Variants in COL25A1 observed in about 807,000 individuals in gnomAD.
The protein encoded by COL25A1 is collagen type XXV alpha 1 chain, also known as collagen alpha-1(XXV) chain.
COL25A1 carries 103 observed loss-of-function variants against 128.4 expected under a neutral mutation model. That is an observed-to-expected ratio of 0.80 (90% CI 0.68 to 0.94). The LOEUF (loss-of-function observed/expected upper bound fraction) is 0.94. Ranked by LOEUF, COL25A1 falls within the 40% of genes least tolerant of loss-of-function variation. The pLI is 0.00. For missense variants in COL25A1, 745 were observed against 840.0 expected (o/e 0.89, Z 1.40); for synonymous variants, 279 against 277.2 (o/e 1.01, Z -0.06).
intron 4 of COL25A1, among the ~76,000 whole-genome samples, chr4:109,048,490 T>A (rs1325278637): frequency 6.6e-6 from 1 of 152,136 alleles, no homozygotes; most frequent in Admixed American, 6.5e-5. Flanking sequence ...TAGAGAAGTA[T>A]GAATTATGAG....
At chr4:108,837,872 T>C (rs1457550167) in intron 31 of COL25A1, among the ~76,000 whole-genome samples, 5 of 152,214 alleles carry the variant, frequency 3.3e-5, no homozygotes, top group African/African-American at 9.6e-5. Context: ...ATGTATGTAA[T>C]TGAAGAATGA....
intron 3 of COL25A1, among the ~76,000 whole-genome samples, chr4:109,070,211 T>C (rs3096493): frequency 0.24 from 36,355 of 151,084 alleles, 5,767 homozygotes; most frequent in East Asian, 0.43. Flanking sequence ...AGAGTCGAGA[T>C]CATTCCAGCC....
At chr4:109,068,687 C>T (rs1431502148) in intron 3 of COL25A1, among the ~76,000 whole-genome samples, 1 of 152,134 alleles carries the variant, frequency 6.6e-6, no homozygotes, top group Non-Finnish European at 1.5e-5. Flanking sequence ...ATGTGATTTT[C>T]TAAATGTGGC....
intron 33 of COL25A1, 45 bp downstream of exon 33, chr4:108,827,090 C>T: frequency 6.4e-7 from 1 of 1,569,284 alleles, no homozygotes; most frequent in Non-Finnish European, 8.8e-7. Flanking sequence ...GACTGGTCAT[C>T]TATGCATGCG....
intron 5 of COL25A1, among the ~76,000 whole-genome samples, chr4:109,020,781 CA>C (rs968047765): frequency 1.3e-5 from 2 of 152,082 alleles, no homozygotes; most frequent in Non-Finnish European, 2.9e-5. Flanking sequence ...ACAGAACACA[CA>C]AAAAATAAAG....
chr4:109,151,735 A>G (rs945081756), intron 3 of COL25A1, among the ~76,000 whole-genome samples: 1 of 152,138 alleles, frequency 6.6e-6, no homozygotes, highest in Non-Finnish European at 1.5e-5. Flanking sequence ...ACAGTCTTCC[A>G]TGCTGACTCT....
chr4:108,875,466 C>T (rs547961734), intron 19 of COL25A1, among the ~76,000 whole-genome samples: 1 of 152,268 alleles, frequency 6.6e-6, no homozygotes, highest in African/African-American at 2.4e-5. Context: ...AAAAAATGTT[C>T]ATCATCACTG....
At chr4:108,820,252 A>G (rs1241425002) in intron 35 of COL25A1, among the ~76,000 whole-genome samples, 2 of 152,226 alleles carry the variant, frequency 1.3e-5, no homozygotes, top group Non-Finnish European at 2.9e-5. Flanking sequence ...CCAGTGGCAG[A>G]TGAAGTTCAG....
At chr4:108,903,520 C>T (rs1184228402) in intron 13 of COL25A1, among the ~76,000 whole-genome samples, 1 of 151,870 alleles carries the variant, frequency 6.6e-6, no homozygotes, top group Admixed American at 6.6e-5. Context: ...TCATGTTCTT[C>T]CAATTTTTAC....
At chr4:108,913,261 CTTTTTTTTTTTTT>C (rs201929872) in intron 13 of COL25A1, among the ~76,000 whole-genome samples, 16,411 of 93,138 alleles carry the variant, frequency 0.18, 1,558 homozygotes, top group Admixed American at 0.26. Flanking sequence ...TCTCTAGCTC[CTTTTTTTTTTTTT>C]TTTTTTTTTA....
At chr4:108,908,869 T>C (rs1242848870) in intron 13 of COL25A1, among the ~76,000 whole-genome samples, 1 of 152,092 alleles carries the variant, frequency 6.6e-6, no homozygotes, top group Non-Finnish European at 1.5e-5. Flanking sequence ...GAGTGGAAGA[T>C]GTTCTCTTAT....
intron 36 of COL25A1, among the ~76,000 whole-genome samples, chr4:108,818,875 A>G (rs1731498535): frequency 6.6e-6 from 1 of 150,686 alleles, no homozygotes; most frequent in African/African-American, 2.4e-5. Context: ...TTTTTTTTAG[A>G]GAAAAAGAAA....
chr4:108,827,583 G>A (rs1732540224), intron 32 of COL25A1, among the ~76,000 whole-genome samples: 1 of 152,150 alleles, frequency 6.6e-6, no homozygotes, highest in Admixed American at 6.5e-5. Context: ...CTGGAGTGCA[G>A]TGGCATGATC....
rs563679652 is a variant in COL25A1 at position 108,814,150 on chromosome 4, A to T, written c.1963-221T>A. Among the ~76,000 whole-genome samples the T allele has an allele frequency of 2.4e-4, 37 of 152,304 alleles. 1 individual carries two copies. The South Asian group carries it at 7.5e-3, about 31-fold the overall frequency. On this transcript the variant is annotated intron_variant, in intron 37 of 37. Transcript: ENST00000399132. ...GCAATTTCCATCTGAGGTTCATTCC[A>T]CATTTTTCCTTTGCCACTGAGAATT...
intron 3 of COL25A1, among the ~76,000 whole-genome samples, chr4:109,225,725 G>A (rs993886037): frequency 2.6e-5 from 4 of 152,050 alleles, no homozygotes; most frequent in African/African-American, 7.2e-5. Flanking sequence ...ACTGCATAAA[G>A]AAACTGTTGT....
chr4:108,939,928 A>C (rs975548113), intron 10 of COL25A1, among the ~76,000 whole-genome samples: 1 of 152,214 alleles, frequency 6.6e-6, no homozygotes, highest in African/African-American at 2.4e-5. Flanking sequence ...TATTTCTATG[A>C]ATAAGCCTTA....
chr4:109,192,433 G>A (rs1207239774), intron 3 of COL25A1, among the ~76,000 whole-genome samples: 1 of 152,106 alleles, frequency 6.6e-6, no homozygotes, highest in Non-Finnish European at 1.5e-5. Flanking sequence ...CAACTCGTAT[G>A]TTGAAGTTCT....
intron 3 of COL25A1, among the ~76,000 whole-genome samples, chr4:109,068,890 G>T (rs1387463248): frequency 6.6e-6 from 1 of 152,178 alleles, no homozygotes; most frequent in Admixed American, 6.5e-5. Flanking sequence ...GGAGACAGGA[G>T]ACAAGGAAAA....
chr4:109,134,178 G>A (rs113089430), intron 3 of COL25A1, among the ~76,000 whole-genome samples: 6 of 148,210 alleles, frequency 4.0e-5, no homozygotes, highest in African/African-American at 1.6e-4. Flanking sequence ...GGAAGACAGG[G>A]GCCAGATTAT....
Sources: allele counts gnomAD v4.1 joint callset (sites outside exome capture counted in the v4.1 genomes callset), GRCh38; gene constraint gnomAD v4.1.1; transcripts MANE v1.5; gene names NCBI Gene and HGNC (gene_info 2026-07-23, HGNC 2026-07-21).